HS3ST2: variants seen among roughly 807,000 people sequenced by gnomAD.
HS3ST2 encodes the protein heparan sulfate glucosamine 3-O-sulfotransferase 2.
Under a neutral mutation model 26.3 loss-of-function variants are expected in HS3ST2, and 17 were observed. The observed-to-expected ratio is 0.65, with a 90% CI of 0.44 to 0.97. The LOEUF is 0.97. HS3ST2 is among the 50% of genes least tolerant of loss of function. HS3ST2 has a pLI of 0.00. For missense variants in HS3ST2, 402 were observed against 501.2 expected (o/e 0.80, Z 1.89); for synonymous variants, 237 against 219.2 (o/e 1.08, Z -0.72).
At chr16:22,834,098 G>A (rs1901214609) in intron 1 of HS3ST2, among the ~76,000 whole-genome samples, 1 of 152,146 alleles carries the variant, frequency 6.6e-6, no homozygotes, top group Admixed American at 6.5e-5. Flanking sequence ...GAAATTGGGT[G>A]CATGGAAAAG....
At chr16:22,909,951 T>C (rs1295134613) in intron 1 of HS3ST2, among the ~76,000 whole-genome samples, 1 of 149,652 alleles carries the variant, frequency 6.7e-6, no homozygotes, top group Non-Finnish European at 1.5e-5. Context: ...ACAGGAGAAT[T>C]GCTTGAACCT....
rs560674915 is a variant in HS3ST2 at position 22,891,432 on chromosome 16, T to C, written c.486-23512T>C. 4.6e-5 allele frequency among the ~76,000 whole-genome samples: 7 copies of C among 152,116 alleles called. 1 individual carries two copies. The South Asian group carries it at 1.0e-3, about 23-fold the overall frequency. On this transcript the variant is annotated intron_variant, in intron 1 of 1. Coordinates refer to ENST00000261374, the MANE Select transcript of HS3ST2 (RefSeq NM_006043.2). ...TTGCCTGAGGCTGCACAGTAGTAAG[T>C]AGCGAAACAGAAATTCAGACTTTTC...
In HS3ST2 at chr16:22,862,268, T is replaced by A. The variant is rs147249529; in HGVS notation, c.485+47173T>A. Among the ~76,000 whole-genome samples, 10 of 147,882 alleles carry A rather than the reference T, an allele frequency of 6.8e-5. No individual in the cohort carries two copies. The East Asian group carries it at 2.0e-3, about 30-fold the overall frequency. On this transcript the variant is annotated intron_variant, in intron 1 of 1. Transcript: ENST00000261374. Reference sequence around the variant, plus strand: ...GTGTCTCATTCATGAAGCAGGCTTCTCCTCAGCTTTTTTTTTTTTTTTTTT... The same window carrying A: ...GTGTCTCATTCATGAAGCAGGCTTCACCTCAGCTTTTTTTTTTTTTTTTTT...
chr16:22,908,953 G>T (rs758107568), intron 1 of HS3ST2, among the ~76,000 whole-genome samples: 1 of 152,196 alleles, frequency 6.6e-6, no homozygotes, highest in Non-Finnish European at 1.5e-5. Context: ...AAACTTACTG[G>T]AAGGATGTGT....
intron 1 of HS3ST2, among the ~76,000 whole-genome samples, chr16:22,861,687 G>T (rs796644257): frequency 3.3e-5 from 5 of 152,224 alleles, no homozygotes; most frequent in African/African-American, 1.2e-4. Context: ...TGGGTCAAGG[G>T]AACTTAAAAT....
intron 1 of HS3ST2, among the ~76,000 whole-genome samples, chr16:22,876,838 A>G (rs541299565): frequency 3.9e-5 from 6 of 152,314 alleles, no homozygotes; most frequent in African/African-American, 1.2e-4. Context: ...AGCAACCTAG[A>G]TGGAGTCGAA....
At chr16:22,878,048 T>G (rs1901942656) in intron 1 of HS3ST2, among the ~76,000 whole-genome samples, 1 of 152,178 alleles carries the variant, frequency 6.6e-6, no homozygotes, top group South Asian at 2.1e-4. Context: ...GGAGAAACCT[T>G]AAATATTCCT....
rs1023863080 is a variant in HS3ST2 at position 22,814,424 on chromosome 16, C to T, written c.-187C>T. The stretch of plus-strand genomic sequence containing the variant: ...CCGCCTGTTCCCCGAGGAGCCGCTG[C>T]CCCCGGGACCCCCTGGCACTGTGCG... On this transcript the variant is annotated 5_prime_UTR_variant, in exon 1 of 2. Transcript: ENST00000261374. 4 of 495,510 alleles carry T rather than the reference C, an allele frequency of 8.1e-6. No individual in the cohort carries two copies. The highest frequency in any genetic ancestry group is 1.4e-5 in the Non-Finnish European group (4 of 292,996). 30.7% of individuals were successfully genotyped at this position (495,510 alleles called of 1,614,324 possible). A position where few individuals can be genotyped will look rare whatever the true frequency, so the allele number is the denominator to read the frequency against.
chr16:22,841,120 G>C (rs904510039), intron 1 of HS3ST2, among the ~76,000 whole-genome samples: 1 of 151,992 alleles, frequency 6.6e-6, no homozygotes, highest in African/African-American at 2.4e-5. Flanking sequence ...GGAGTGCAAT[G>C]GCGCGATCTC....
intron 1 of HS3ST2, among the ~76,000 whole-genome samples, chr16:22,817,636 C>T (rs999949179): frequency 2.6e-5 from 4 of 152,264 alleles, no homozygotes; most frequent in Middle Eastern, 3.4e-3. Flanking sequence ...CAGGATGTTC[C>T]GCTCTCTGTC....
chr16:22,851,095 G>A (rs1452863627), intron 1 of HS3ST2, among the ~76,000 whole-genome samples: 2 of 152,190 alleles, frequency 1.3e-5, no homozygotes, highest in African/African-American at 2.4e-5. Context: ...GTTTCCAGAG[G>A]TCCAGGCAGA....
intron 1 of HS3ST2, among the ~76,000 whole-genome samples, chr16:22,815,804 C>T (rs1168289612): frequency 6.6e-6 from 1 of 152,170 alleles, no homozygotes; most frequent in Admixed American, 6.5e-5. Flanking sequence ...TCCCAATGGG[C>T]AGGAAAACAG....
chr16:22,911,822 A>T (rs143771513), intron 1 of HS3ST2, among the ~76,000 whole-genome samples: 1 of 152,320 alleles, frequency 6.6e-6, no homozygotes, highest in Non-Finnish European at 1.5e-5. Flanking sequence ...AAATAAGGTC[A>T]CGTTCAAATG....
chr16:22,890,514 G>A (rs1037251966), intron 1 of HS3ST2, among the ~76,000 whole-genome samples: 6 of 152,150 alleles, frequency 3.9e-5, no homozygotes, highest in Admixed American at 1.3e-4. Flanking sequence ...TGCAATAGGT[G>A]ACCTTCTTGA....
At chr16:22,903,775 T>A (rs1902312491) in intron 1 of HS3ST2, among the ~76,000 whole-genome samples, 2 of 152,148 alleles carry the variant, frequency 1.3e-5, no homozygotes. Flanking sequence ...AATTCCACAA[T>A]ACACAAGGGG....
rs8057256 is a variant in HS3ST2, at chr16:22,814,507, C to G, written c.-104C>G. 0.012 allele frequency: 15,102 copies of G among 1,312,862 alleles called. 1,473 individuals are homozygous for G. In the African/African-American group the frequency reaches 0.21, roughly 18 times the overall value. 81.3% of individuals were successfully genotyped at this position (1,312,862 alleles called of 1,614,324 possible). A position where few individuals can be genotyped will look rare whatever the true frequency, so the allele number is the denominator to read the frequency against. On this transcript the variant is annotated 5_prime_UTR_variant, in exon 1 of 2. Transcript: ENST00000261374. ...GCCCCCAACGCCCGACCCGCGTGGC[C>G]GTGGCAGCGCCACGCGAGCCCTCTA... is the stretch of plus-strand genomic sequence containing the variant.
intron 1 of HS3ST2, among the ~76,000 whole-genome samples, chr16:22,906,178 C>G (rs946822582): frequency 3.9e-5 from 6 of 152,152 alleles, no homozygotes; most frequent in Admixed American, 3.9e-4. Context: ...CGAGACCATC[C>G]TGGCCAACAT....
intron 1 of HS3ST2, among the ~76,000 whole-genome samples, chr16:22,877,140 A>G (rs1901931825): frequency 6.6e-6 from 1 of 152,182 alleles, no homozygotes; most frequent in African/African-American, 2.4e-5. Context: ...TACAAAAAAA[A>G]TGTCAGCTAT....
At chr16:22,839,279 C>T (rs1486900687) in intron 1 of HS3ST2, among the ~76,000 whole-genome samples, 1 of 152,190 alleles carries the variant, frequency 6.6e-6, no homozygotes, top group East Asian at 1.9e-4. Flanking sequence ...CCACTGAAAA[C>T]ACATCAGACT....
Sources: allele counts gnomAD v4.1 joint callset (sites outside exome capture counted in the v4.1 genomes callset), GRCh38; gene constraint gnomAD v4.1.1; transcripts MANE v1.5; gene names NCBI Gene and HGNC (gene_info 2026-07-23, HGNC 2026-07-21).